LRRN1: variants seen among roughly 807,000 people sequenced by gnomAD.
LRRN1 encodes leucine-rich repeat neuronal protein 1.
Under a neutral mutation model 45.8 loss-of-function variants are expected in LRRN1, and 14 were observed. That is an observed-to-expected ratio of 0.31 (90% CI 0.20 to 0.48). LRRN1 has a LOEUF of 0.48. LRRN1 is among the 20% of genes least tolerant of loss of function. The pLI is 0.99. For missense variants in LRRN1, 789 were observed against 874.2 expected, an observed-to-expected ratio of 0.90 and a Z score of 1.23; for synonymous variants, 359 against 330.1, an observed-to-expected ratio of 1.09 and a Z score of -0.95.
intron 1 of LRRN1, among the ~76,000 whole-genome samples, chr3:3,834,537 T>C (rs976482433): frequency 9.0e-6 from 1 of 111,020 alleles, no homozygotes; most frequent in Admixed American, 9.3e-5. Context: ...TATATATATA[T>C]ATATATATAT....
At chr3:3,842,407 T>C (rs1329677569) in intron 1 of LRRN1, among the ~76,000 whole-genome samples, 1 of 152,084 alleles carries the variant, frequency 6.6e-6, no homozygotes, top group Non-Finnish European at 1.5e-5. Flanking sequence ...TTTAATTTTT[T>C]TTTTTTATTG....
chr3:3,834,554 G>A (rs1339995569), intron 1 of LRRN1, among the ~76,000 whole-genome samples: 89 of 15,186 alleles, frequency 5.9e-3, no homozygotes, highest in Non-Finnish European at 0.01. Flanking sequence ...ATATATATAT[G>A]ATATATATAT....
At chr3:3,842,403 T>A (rs547611595) in intron 1 of LRRN1, among the ~76,000 whole-genome samples, 2 of 148,434 alleles carry the variant, frequency 1.3e-5, no homozygotes, top group Non-Finnish European at 3.0e-5. Flanking sequence ...TGGATTTAAT[T>A]TTTTTTTTTT....
At chr3:3,809,205 G>C (rs1193007561) in intron 1 of LRRN1, among the ~76,000 whole-genome samples, 1 of 152,098 alleles carries the variant, frequency 6.6e-6, no homozygotes, top group Non-Finnish European at 1.5e-5. Context: ...GTGCAGGGGC[G>C]TGATCTTGGC....
At chr3:3,834,661 C>A (rs190049772) in intron 1 of LRRN1, among the ~76,000 whole-genome samples, 1 of 148,212 alleles carries the variant, frequency 6.7e-6, no homozygotes, top group East Asian at 2.0e-4. Context: ...TCACAAGGTC[C>A]CACAATAGGC....
At chr3:3,833,348 T>A (rs534832123) in intron 1 of LRRN1, among the ~76,000 whole-genome samples, 1 of 152,286 alleles carries the variant, frequency 6.6e-6, no homozygotes, top group East Asian at 1.9e-4. Context: ...ACCAAGCAAA[T>A]AAACTATTAG....
chr3:3,802,437 G>A (rs1692673815), intron 1 of LRRN1, among the ~76,000 whole-genome samples: 2 of 151,980 alleles, frequency 1.3e-5, no homozygotes, highest in South Asian at 2.1e-4. Context: ...TCACTGAAAG[G>A]GACATTAAAA....
chr3:3,840,990 AT>A (rs1693639926), intron 1 of LRRN1, among the ~76,000 whole-genome samples: 1 of 152,218 alleles, frequency 6.6e-6, no homozygotes, highest in Non-Finnish European at 1.5e-5. Context: ...ATTTCCTTAC[AT>A]TCAATAGAAA....
intron 1 of LRRN1, among the ~76,000 whole-genome samples, chr3:3,802,390 A>G (rs1444727375): frequency 6.6e-6 from 1 of 152,156 alleles, no homozygotes; most frequent in Non-Finnish European, 1.5e-5. Context: ...AAAAGAACCT[A>G]TTCACGGAAC....
intron 1 of LRRN1, among the ~76,000 whole-genome samples, chr3:3,833,874 A>G (rs1693425764): frequency 6.6e-6 from 1 of 152,216 alleles, no homozygotes; most frequent in Admixed American, 6.5e-5. Flanking sequence ...CAGCTTCATC[A>G]GGGTGCTCCC....
chr3:3,828,082 A>G (rs1207617393), intron 1 of LRRN1, among the ~76,000 whole-genome samples: 1 of 151,198 alleles, frequency 6.6e-6, no homozygotes, highest in African/African-American at 2.4e-5. Flanking sequence ...AGGGCTCACT[A>G]TGTGCTGGAT....
At position 3,844,823 on chromosome 3, in the gene LRRN1, T is replaced by G; in HGVS notation, c.182T>G (p.Leu61Arg). Residue 61 changes from leucine to arginine, a missense_variant, in exon 2 of 2, where the codon CTC becomes CGC. Leu to Arg is a moderately radical substitution (Grantham distance 102). Coordinates refer to ENST00000319331, the MANE Select transcript of LRRN1 (RefSeq NM_020873.7). ...GCCACCACTGTTGATTGCAATGACC[T>G]CCGCTTAACAAGGATTCCCAGTAAC... ...REATTVDCND[L>R]RLTRIPSNLS... 2 of 1,614,154 alleles carry G rather than the reference T, an allele frequency of 1.2e-6. No individual in the cohort carries two copies. The highest frequency in any genetic ancestry group is 1.7e-6 in the Non-Finnish European group (2 of 1,180,002).
intron 1 of LRRN1, among the ~76,000 whole-genome samples, chr3:3,841,786 G>A (rs1057278869): frequency 6.6e-6 from 1 of 152,140 alleles, no homozygotes; most frequent in East Asian, 1.9e-4. Flanking sequence ...CCACAGTGCT[G>A]GGATTACAGG....
intron 1 of LRRN1, among the ~76,000 whole-genome samples, chr3:3,835,360 A>G (rs1317189951): frequency 6.6e-6 from 1 of 152,212 alleles, no homozygotes; most frequent in Non-Finnish European, 1.5e-5. Context: ...GACAGTGAAA[A>G]ATAGGATGCT....
intron 1 of LRRN1, among the ~76,000 whole-genome samples, chr3:3,840,633 C>A (rs1373940628): frequency 6.6e-6 from 1 of 152,132 alleles, no homozygotes; most frequent in Admixed American, 6.5e-5. Flanking sequence ...TAATTCCTTG[C>A]TGCCAAAGGA....
chr3:3,836,775 C>A (rs1693526391), intron 1 of LRRN1, among the ~76,000 whole-genome samples: 1 of 152,088 alleles, frequency 6.6e-6, no homozygotes, highest in South Asian at 2.1e-4. Context: ...GGGGTAGTAG[C>A]AAAACTCTCC....
chr3:3,839,073 A>G (rs1297914944), intron 1 of LRRN1, among the ~76,000 whole-genome samples: 1 of 151,942 alleles, frequency 6.6e-6, no homozygotes, highest in Non-Finnish European at 1.5e-5. Context: ...TATCTAAGAA[A>G]CCATTGCCAA....
chr3:3,800,787 TTGC>T (rs760005154), intron 1 of LRRN1: 183 of 152,994 alleles, frequency 1.2e-3, no homozygotes, highest in Non-Finnish European at 2.1e-3. Context: ...CTCAGGACGT[TTGC>T]CAGGTGGCCT....
At chr3:3,825,755 T>C (rs1415191256) in intron 1 of LRRN1, among the ~76,000 whole-genome samples, 1 of 152,170 alleles carries the variant, frequency 6.6e-6, no homozygotes, top group Non-Finnish European at 1.5e-5. Flanking sequence ...AAATGAATTT[T>C]TGGAAATGTA....
Sources: allele counts gnomAD v4.1 joint callset (sites outside exome capture counted in the v4.1 genomes callset), GRCh38; gene constraint gnomAD v4.1.1; transcripts MANE v1.5; gene names NCBI Gene and HGNC (gene_info 2026-07-23, HGNC 2026-07-21).